DNAH3: variants seen among roughly 807,000 people sequenced by gnomAD.
The protein encoded by DNAH3 is axonemal beta dynein heavy chain 3.
DNAH3 carries 332 observed loss-of-function variants against 432.5 expected under a neutral mutation model. That is an observed-to-expected ratio of 0.77 (90% CI 0.70 to 0.84). The LOEUF (loss-of-function observed/expected upper bound fraction) is 0.84, where lower values mean the gene tolerates loss of function less well. DNAH3 is among the 40% of genes least tolerant of loss of function. The pLI, the probability that DNAH3 is intolerant of heterozygous loss-of-function variation, is 0.00. For missense variants in DNAH3, 4,861 were observed against 5,114.0 expected, an observed-to-expected ratio of 0.95 and a Z score of 1.51; for synonymous variants, 1,956 against 1,900.2, an observed-to-expected ratio of 1.03 and a Z score of -0.76.
At chr16:21,048,531 CG>C (rs2089814325) in intron 31 of DNAH3, among the ~76,000 whole-genome samples, 1 of 152,230 alleles carries the variant, frequency 6.6e-6, no homozygotes, top group South Asian at 2.1e-4. Flanking sequence ...CGCCCTGCTT[CG>C]GCTGGCGCAC....
intron 44 of DNAH3, among the ~76,000 whole-genome samples, chr16:20,991,037 A>C (rs1174671738): frequency 1.3e-5 from 2 of 151,492 alleles, no homozygotes; most frequent in African/African-American, 4.9e-5. Context: ...AACAAACAAA[A>C]AACAAAACAA....
rs927268107 is a variant in DNAH3, at chr16:21,154,000, G to A, written c.117+5325C>T. ...ATTTGGAATAATTGAGACAGTGGGA[G>A]AGCTGGAGACTCTGGTTTAGACGGA... On this transcript the variant is annotated intron_variant, in intron 1 of 61. Coordinates refer to ENST00000261383, the Ensembl canonical transcript of DNAH3. Among the ~76,000 whole-genome samples the A allele has an allele frequency of 5.3e-5, 8 of 152,372 alleles. No homozygotes were observed. The East Asian group carries it at 7.7e-4, about 15-fold the overall frequency.
At chr16:21,000,584 A>C in intron 42 of DNAH3, 66 bp from the exon 43 acceptor site, 1 of 1,438,672 alleles carries the variant, frequency 7.0e-7, no homozygotes, top group Non-Finnish European at 9.5e-7. Context: ...TTGGCATTCA[A>C]GAGACCTGGG....
At chr16:20,941,661 A>G in intron 58 of DNAH3, 118 bp from the exon 59 acceptor site, 1 of 1,298,540 alleles carries the variant, frequency 7.7e-7, no homozygotes, top group South Asian at 1.4e-5. Context: ...GACTTTCCTG[A>G]GAACTCTCCA....
chr16:20,974,818 CTTA>C (rs770805396), intron 51 of DNAH3, among the ~76,000 whole-genome samples: 7 of 150,308 alleles, frequency 4.7e-5, no homozygotes, highest in African/African-American at 7.4e-5. Flanking sequence ...TCGCCTACCC[CTTA>C]TTATTATTAT....
chr16:21,074,731 A>G (rs983487712), intron 21 of DNAH3, among the ~76,000 whole-genome samples: 1 of 151,684 alleles, frequency 6.6e-6, no homozygotes, highest in Non-Finnish European at 1.5e-5. Flanking sequence ...GAAAGAAAAA[A>G]AGAACCAATG....
At chr16:21,112,304 A>C (rs2092094841) in intron 12 of DNAH3, among the ~76,000 whole-genome samples, 1 of 152,196 alleles carries the variant, frequency 6.6e-6, no homozygotes, top group Non-Finnish European at 1.5e-5. Flanking sequence ...CTAGCAGTGT[A>C]AACTTAGACA....
At chr16:20,975,287 C>T (rs781126920) in exon 51 of DNAH3, 128 of 1,614,026 alleles carry the variant, frequency 7.9e-5, no homozygotes, top group Non-Finnish European at 1.1e-4. Context: ...CATCTGCCTG[C>T]ACCAGAAGTT....
In DNAH3 at chr16:20,936,645, G is replaced by C; in HGVS notation, c.11859+4C>G. On this transcript the variant is annotated splice_donor_region_variant and intron_variant, in intron 60 of 61. Coordinates refer to ENST00000261383, the Ensembl canonical transcript of DNAH3. ...GTTCCCGGTTACCCCTGACTCCCAGGTACCTGGAAGAAGGTCAGGCGGGCC... is the reference window on the plus strand; with the variant it reads ...GTTCCCGGTTACCCCTGACTCCCAGCTACCTGGAAGAAGGTCAGGCGGGCC... The C allele has an allele frequency of 6.3e-7, 1 of 1,588,160 alleles. No individual in the cohort carries two copies. Among genetic ancestry groups the C allele is most frequent in the Non-Finnish European group, 8.6e-7 (1 of 1,166,228 alleles).
intron 5 of DNAH3, 57 bp from the exon 7 acceptor site, chr16:21,136,570 T>C (rs932457471): frequency 6.6e-7 from 1 of 1,524,668 alleles, no homozygotes; most frequent in African/African-American, 1.4e-5. Context: ...TGGGTTCAAC[T>C]GTCCTGCCCA....
chr16:21,094,337 CATA>C (rs1455757195), intron 18 of DNAH3, among the ~76,000 whole-genome samples: 1 of 152,074 alleles, frequency 6.6e-6, no homozygotes, highest in African/African-American at 2.4e-5. Flanking sequence ...AAATTAAAAT[CATA>C]ATGAGACATC....
At chr16:20,985,705 T>C in exon 48 of DNAH3, 1 of 1,613,158 alleles carries the variant, frequency 6.2e-7, no homozygotes, top group Admixed American at 1.7e-5. Flanking sequence ...GGGTGACAAG[T>C]GGATAAGCAC....
intron 13 of DNAH3, 91 bp from the exon 14 acceptor site, chr16:21,111,895 G>A (rs574311411): frequency 1.3e-6 from 2 of 1,544,674 alleles, no homozygotes; most frequent in East Asian, 4.5e-5. Context: ...CTAGTCCAAT[G>A]CTGAGCATGG....
intron 10 of DNAH3, chr16:21,120,920 G>C: frequency 9.1e-6 from 11 of 1,209,812 alleles, no homozygotes; most frequent in Non-Finnish European, 1.3e-5. Flanking sequence ...AGGGATACTG[G>C]TTGTAGGAGA....
At chr16:21,091,423 C>T (rs1231670754) in intron 18 of DNAH3, among the ~76,000 whole-genome samples, 1 of 151,842 alleles carries the variant, frequency 6.6e-6, no homozygotes, top group African/African-American at 2.4e-5. Context: ...AAACAAACTC[C>T]TGGAACTAAT....
rs370496447 is a variant in DNAH3 at position 21,116,882 on chromosome 16, G to A, written c.1814+321C>T. On this transcript the variant is annotated intron_variant, in intron 12 of 61. Coordinates refer to ENST00000261383, the Ensembl canonical transcript of DNAH3. ...AACTGCAGGATAATATATGATATACGCATTATGTTACTTTTATATAACCCA... is the reference window on the plus strand; with the variant it reads ...AACTGCAGGATAATATATGATATACACATTATGTTACTTTTATATAACCCA... 3.2e-4 allele frequency among the ~76,000 whole-genome samples: 49 copies of A among 152,260 alleles called. 1 individual carries two copies. The East Asian group carries it at 5.4e-3, about 17-fold the overall frequency.
intron 20 of DNAH3, among the ~76,000 whole-genome samples, chr16:21,080,992 A>G (rs2091164739): frequency 1.3e-5 from 2 of 151,994 alleles, no homozygotes; most frequent in Admixed American, 1.3e-4. Context: ...ATCTTGGCTC[A>G]CTGCAACCTC....
intron 21 of DNAH3, among the ~76,000 whole-genome samples, chr16:21,071,862 G>A (rs1438413056): frequency 6.6e-6 from 1 of 152,060 alleles, no homozygotes; most frequent in Non-Finnish European, 1.5e-5. Flanking sequence ...TTCTTCACTT[G>A]CTTTCCTGGC....
exon 37 of DNAH3, chr16:21,031,270 C>T: frequency 1.9e-6 from 3 of 1,614,190 alleles, no homozygotes; most frequent in Non-Finnish European, 2.5e-6. Context: ...CCACAGCAAA[C>T]TCCTCCATCT....
Sources: allele counts gnomAD v4.1 joint callset (sites outside exome capture counted in the v4.1 genomes callset), GRCh38; gene constraint gnomAD v4.1.1; transcripts MANE v1.5; gene names NCBI Gene and HGNC (gene_info 2026-07-23, HGNC 2026-07-21).